Variants in PRTG observed in about 807,000 individuals in gnomAD.
PRTG encodes protogenin.
Under a neutral mutation model 122.5 loss-of-function variants are expected in PRTG, and 67 were observed. The ratio of observed to expected loss-of-function variants is 0.55; its 90% CI spans 0.45 to 0.67. The LOEUF is 0.67. Among genes scored for constraint, PRTG ranks in the 30% least tolerant of loss-of-function variants. The pLI, the probability that PRTG is intolerant of heterozygous loss-of-function variation, is 0.00. For synonymous variants in PRTG, 554 were observed against 501.1 expected (o/e 1.11, Z -1.41); for missense variants, 1,435 against 1,415.4 (o/e 1.01, Z -0.22).
intron 7 of PRTG, 68 bp downstream of exon 7, chr15:55,679,218 C>A: frequency 2.0e-6 from 2 of 989,540 alleles, no homozygotes; most frequent in South Asian, 1.6e-5. Context: ...TTATTATAAC[C>A]ATTTCACATA....
At chr15:55,667,509 A>G (rs184205132) in intron 11 of PRTG, among the ~76,000 whole-genome samples, 10 of 152,270 alleles carry the variant, frequency 6.6e-5, no homozygotes, top group African/African-American at 1.4e-4. Context: ...AATATTCAAA[A>G]ATTTCTGCTC....
Position 55,717,135 on chromosome 15 carries a change from T to A in PRTG, c.397+23247A>T, listed in dbSNP as rs555964460. ...TCCTGATATCACAAGAGATTTGGCT[T>A]TTATTGGAGAATAAAACATGTACAT... On this transcript the variant is annotated intron_variant, in intron 2 of 19. Transcript: ENST00000389286. Among the ~76,000 whole-genome samples the A allele has an allele frequency of 6.6e-5, 10 of 152,312 alleles. No individual in the cohort carries two copies. The South Asian group carries it at 1.4e-3, about 22-fold the overall frequency.
intron 18 of PRTG, among the ~76,000 whole-genome samples, 183 bp downstream of exon 18, chr15:55,624,159 A>C (rs1416518976): frequency 6.6e-6 from 1 of 151,120 alleles, no homozygotes; most frequent in African/African-American, 2.4e-5. Flanking sequence ...CCTTTTATCT[A>C]TCCTCACCTT....
chr15:55,698,367 T>C (rs1173113446), intron 2 of PRTG, among the ~76,000 whole-genome samples: 1 of 152,176 alleles, frequency 6.6e-6, no homozygotes, highest in African/African-American at 2.4e-5. Context: ...CTTGGCTCAC[T>C]GTAGCCTCAA....
At chr15:55,636,474 G>A (rs1014105340) in intron 15 of PRTG, among the ~76,000 whole-genome samples, 1 of 151,736 alleles carries the variant, frequency 6.6e-6, no homozygotes, top group Non-Finnish European at 1.5e-5. Context: ...TATCATCCAA[G>A]CTATCAAGTT....
intron 18 of PRTG, among the ~76,000 whole-genome samples, chr15:55,622,278 C>T (rs371471691): frequency 8.7e-5 from 12 of 138,486 alleles, no homozygotes; most frequent in African/African-American, 3.3e-4. Flanking sequence ...GAGAATATGG[C>T]GCGATCTCGG....
At chr15:55,727,207 G>A (rs1418622867) in intron 2 of PRTG, among the ~76,000 whole-genome samples, 1 of 151,394 alleles carries the variant, frequency 6.6e-6, no homozygotes. Flanking sequence ...TAATAAATCA[G>A]GAAAATGAAA....
intron 2 of PRTG, among the ~76,000 whole-genome samples, chr15:55,702,249 A>T (rs1161833250): frequency 1.3e-5 from 2 of 152,214 alleles, no homozygotes; most frequent in Non-Finnish European, 1.5e-5. Flanking sequence ...CACCTCTTCT[A>T]TAAAGTTAGT....
intron 11 of PRTG, among the ~76,000 whole-genome samples, chr15:55,646,174 T>TG (rs919425861): frequency 2.7e-4 from 15 of 56,058 alleles, no homozygotes; most frequent in Admixed American, 8.2e-4. Context: ...GCCCAGCTAG[T>TG]TTTTTTTTTT....
chr15:55,630,274 C>T (rs1007264760), intron 15 of PRTG, among the ~76,000 whole-genome samples: 2 of 152,166 alleles, frequency 1.3e-5, no homozygotes, highest in African/African-American at 4.8e-5. Flanking sequence ...GCATGAGCCA[C>T]CACGCCCGGC....
intron 1 of PRTG, among the ~76,000 whole-genome samples, chr15:55,741,121 T>C (rs763622476): frequency 1.7e-4 from 26 of 152,240 alleles, no homozygotes; most frequent in Non-Finnish European, 3.5e-4. Context: ...CCTTGTCCCT[T>C]GAAGTGTTTT....
intron 13 of PRTG, among the ~76,000 whole-genome samples, chr15:55,639,067 G>T (rs2059274702): frequency 6.6e-6 from 1 of 152,056 alleles, no homozygotes; most frequent in Non-Finnish European, 1.5e-5. Flanking sequence ...CATCTCCTAA[G>T]CACAAGCAAT....
At chr15:55,726,567 GGTTA>G (rs2031038186) in intron 2 of PRTG, among the ~76,000 whole-genome samples, 2 of 151,656 alleles carry the variant, frequency 1.3e-5, no homozygotes, top group South Asian at 4.2e-4. Flanking sequence ...GGGAGGTGGA[GGTTA>G]CAGTGAGCCG....
chr15:55,627,483 C>G (rs2059201752), intron 16 of PRTG, among the ~76,000 whole-genome samples: 1 of 146,954 alleles, frequency 6.8e-6, no homozygotes, highest in African/African-American at 2.5e-5. Context: ...ACCACCAACG[C>G]CCAGCTAAGT....
At chr15:55,650,225 A>G (rs976026701) in intron 11 of PRTG, among the ~76,000 whole-genome samples, 1 of 152,146 alleles carries the variant, frequency 6.6e-6, no homozygotes, top group African/African-American at 2.4e-5. Flanking sequence ...TTAGATAACA[A>G]CCTATTGGGG....
chr15:55,679,667 C>T (rs925109235), intron 6 of PRTG: 2 of 471,470 alleles, frequency 4.2e-6, no homozygotes, highest in African/African-American at 3.9e-5. Context: ...TATATAGACA[C>T]ACTTAAAATA....
chr15:55,730,773 C>A (rs1456950061), intron 2 of PRTG, among the ~76,000 whole-genome samples: 1 of 152,156 alleles, frequency 6.6e-6, no homozygotes, highest in Non-Finnish European at 1.5e-5. Flanking sequence ...GCACTCCAAC[C>A]TGGGCAACAG....
chr15:55,676,430 C>G (rs2059503345), intron 8 of PRTG, among the ~76,000 whole-genome samples: 2 of 152,176 alleles, frequency 1.3e-5, no homozygotes, highest in South Asian at 4.1e-4. Flanking sequence ...GCTAACAATT[C>G]ACAGTAAACG....
At chr15:55,662,990 A>G (rs958725514) in intron 11 of PRTG, among the ~76,000 whole-genome samples, 2 of 152,154 alleles carry the variant, frequency 1.3e-5, no homozygotes, top group African/African-American at 2.4e-5. Context: ...TTCCAACCCA[A>G]TATGATAAAA....
Sources: allele counts gnomAD v4.1 joint callset (sites outside exome capture counted in the v4.1 genomes callset), GRCh38; gene constraint gnomAD v4.1.1; transcripts MANE v1.5; gene names NCBI Gene and HGNC (gene_info 2026-07-23, HGNC 2026-07-21).